Variants in GRID2 observed in about 807,000 individuals in gnomAD.
The protein encoded by GRID2 is glutamate ionotropic receptor delta type subunit 2.
In GRID2, 33 loss-of-function variants were observed where a neutral mutation model predicts 114.8. The ratio of observed to expected loss-of-function variants is 0.29; its 90% CI spans 0.22 to 0.38. The LOEUF (loss-of-function observed/expected upper bound fraction) is 0.38, where lower values mean the gene tolerates loss of function less well. Ranked by LOEUF, GRID2 falls within the 10% of genes least tolerant of loss-of-function variation. The probability of loss-of-function intolerance (pLI) is 1.00; values close to 1 mark genes in which losing one functional copy is unlikely to be tolerated. For missense variants in GRID2, 1,184 were observed against 1,257.7 expected (o/e 0.94, Z 0.89); for synonymous variants, 505 against 449.9 (o/e 1.12, Z -1.55).
At chr4:92,600,040 G>GTATA (rs1223993452) in intron 2 of GRID2, among the ~76,000 whole-genome samples, 24 of 70,698 alleles carry the variant, frequency 3.4e-4, no homozygotes, top group African/African-American at 1.2e-3. Context: ...GTGTGTGTGT[G>GTATA]TGTGTATATA....
At chr4:92,365,076 T>C (rs1728788312) in intron 1 of GRID2, among the ~76,000 whole-genome samples, 1 of 151,984 alleles carries the variant, frequency 6.6e-6, no homozygotes, top group Non-Finnish European at 1.5e-5. Flanking sequence ...TTATGGAAAA[T>C]GGAGGTTCCT....
At chr4:92,765,359 C>T (rs1738207809) in intron 2 of GRID2, among the ~76,000 whole-genome samples, 1 of 152,120 alleles carries the variant, frequency 6.6e-6, no homozygotes, top group Admixed American at 6.5e-5. Flanking sequence ...CATTAAAAAT[C>T]GACGTCCAAA....
intron 10 of GRID2, among the ~76,000 whole-genome samples, chr4:93,429,184 T>C (rs1306125641): frequency 2.6e-5 from 4 of 152,246 alleles, no homozygotes; most frequent in Admixed American, 1.3e-4. Context: ...TCTTCAGTGG[T>C]TTCCCTCAGG....
At chr4:93,715,316 C>A (rs1728817493) in intron 14 of GRID2, among the ~76,000 whole-genome samples, 2 of 152,138 alleles carry the variant, frequency 1.3e-5, no homozygotes, top group African/African-American at 4.8e-5. Context: ...CAGTACCATG[C>A]TATTTTGGTT....
chr4:93,069,199 G>A (rs1045375784), intron 2 of GRID2, among the ~76,000 whole-genome samples: 14 of 150,664 alleles, frequency 9.3e-5, no homozygotes, highest in Non-Finnish European at 1.8e-4. Flanking sequence ...TTTTGGGTGG[G>A]GACAACATCC....
intron 14 of GRID2, among the ~76,000 whole-genome samples, chr4:93,627,565 C>T (rs1309424773): frequency 6.6e-6 from 1 of 152,226 alleles, no homozygotes; most frequent in African/African-American, 2.4e-5. Flanking sequence ...AGTTACTTCT[C>T]ATTCATGAAA....
At position 93,395,503 on chromosome 4, in the gene GRID2, C is replaced by A. The variant is rs1290096691; in HGVS notation, c.1246-104C>A. 3 of 596,328 alleles carry A rather than the reference C, an allele frequency of 5.0e-6. No homozygotes were observed. In the African/African-American group the frequency reaches 5.7e-5, roughly 11 times the overall value. The allele number at this position is 596,328 out of a possible 1,614,324, so 36.9% of individuals were successfully genotyped here. ...AAACCTGTGCAGTACTCTTTCCATA[C>A]CAATTATTCTAAGAGCTATCACATA... On this transcript the variant is annotated intron_variant, in intron 8 of 15. Coordinates refer to ENST00000282020, the MANE Select transcript of GRID2 (RefSeq NM_001510.4).
At chr4:92,487,263 A>G (rs1228090334) in intron 1 of GRID2, among the ~76,000 whole-genome samples, 1 of 152,004 alleles carries the variant, frequency 6.6e-6, no homozygotes, top group African/African-American at 2.4e-5. Context: ...TTCTTAATAT[A>G]GAAGCATAGA....
At chr4:92,465,755 T>A (rs1310299815) in intron 1 of GRID2, among the ~76,000 whole-genome samples, 1 of 151,918 alleles carries the variant, frequency 6.6e-6, no homozygotes, top group African/African-American at 2.4e-5. Context: ...TTAGAATAAA[T>A]GAGATTGTGA....
At chr4:93,480,435 C>A (rs1247262470) in intron 11 of GRID2, among the ~76,000 whole-genome samples, 1 of 152,024 alleles carries the variant, frequency 6.6e-6, no homozygotes, top group Non-Finnish European at 1.5e-5. Flanking sequence ...ATTTTTCTAT[C>A]CATACATATC....
At chr4:93,587,825 G>T (rs957253093) in intron 13 of GRID2, among the ~76,000 whole-genome samples, 1 of 152,018 alleles carries the variant, frequency 6.6e-6, no homozygotes. Context: ...TCAAAGAAAA[G>T]CTTCCAAAGG....
chr4:93,312,675 G>A (rs900171740), intron 8 of GRID2, among the ~76,000 whole-genome samples: 11 of 152,038 alleles, frequency 7.2e-5, no homozygotes, highest in East Asian at 3.9e-4. Context: ...CCCCTTAAAC[G>A]GAAGGAGTTA....
At chr4:92,460,492 C>T (rs753747725) in intron 1 of GRID2, among the ~76,000 whole-genome samples, 1 of 152,078 alleles carries the variant, frequency 6.6e-6, no homozygotes, top group African/African-American at 2.4e-5. Context: ...TAAAACCTAT[C>T]CATCTGTAAT....
intron 2 of GRID2, among the ~76,000 whole-genome samples, chr4:93,042,655 A>C (rs1431914758): frequency 1.4e-5 from 2 of 144,130 alleles, no homozygotes; most frequent in Non-Finnish European, 3.0e-5. Flanking sequence ...CTATCTCTAT[A>C]TTTCTATCTC....
chr4:92,944,213 G>A (rs564133953), intron 2 of GRID2, among the ~76,000 whole-genome samples: 132 of 152,328 alleles, frequency 8.7e-4, no homozygotes, highest in Non-Finnish European at 1.7e-3. Flanking sequence ...GCCTCCTTGA[G>A]CTGTGGTGGG....
intron 2 of GRID2, among the ~76,000 whole-genome samples, chr4:92,688,422 T>A (rs1173712607): frequency 6.6e-6 from 1 of 152,078 alleles, no homozygotes; most frequent in Non-Finnish European, 1.5e-5. Flanking sequence ...CAGTAAACCT[T>A]TCAAAATTAC....
Position 93,611,352 on chromosome 4 carries a change from G to T in GRID2, c.2194-14917G>T, listed in dbSNP as rs1395339811. Among the ~76,000 whole-genome samples the T allele has an allele frequency of 7.2e-5, 7 of 97,408 alleles. 1 individual carries two copies. Among genetic ancestry groups the T allele is most frequent in the Non-Finnish European group, 1.2e-4 (6 of 48,620 alleles). 63.9% of individuals were successfully genotyped at this position (97,408 alleles called of 152,430 possible). A position where few individuals can be genotyped will look rare whatever the true frequency, so the allele number is the denominator to read the frequency against. ...TGATTTTAGTTATTTCTTGCCTTCT[G>T]CTAGCTTTTGAATGTGTTTGCTCTT... is the stretch of plus-strand genomic sequence containing the variant. On this transcript the variant is annotated intron_variant, in intron 13 of 15. Coordinates refer to ENST00000282020, the MANE Select transcript of GRID2 (RefSeq NM_001510.4).
intron 2 of GRID2, among the ~76,000 whole-genome samples, chr4:92,671,222 C>T (rs554825971): frequency 6.6e-6 from 1 of 151,034 alleles, no homozygotes; most frequent in Non-Finnish European, 1.5e-5. Context: ...GGGGGAAGTG[C>T]TATCCACTTA....
intron 14 of GRID2, among the ~76,000 whole-genome samples, chr4:93,667,541 T>C (rs1238229148): frequency 6.6e-6 from 1 of 151,944 alleles, no homozygotes; most frequent in Non-Finnish European, 1.5e-5. Context: ...AAGAGAGGTC[T>C]GCAGATGGGT....
Sources: allele counts gnomAD v4.1 joint callset (sites outside exome capture counted in the v4.1 genomes callset), GRCh38; gene constraint gnomAD v4.1.1; transcripts MANE v1.5; gene names NCBI Gene and HGNC (gene_info 2026-07-23, HGNC 2026-07-21).